Variants in DDX55 observed in about 807,000 individuals in gnomAD.
The protein encoded by DDX55 is ATP-dependent RNA helicase DDX55.
Under a neutral mutation model 69.2 loss-of-function variants are expected in DDX55, and 56 were observed. That is an observed-to-expected ratio of 0.81 (90% CI 0.65 to 1.01). DDX55 has a LOEUF of 1.01. Ranked by LOEUF, DDX55 falls within the 50% of genes least tolerant of loss-of-function variation. DDX55 has a pLI of 0.00. For missense variants in DDX55, 720 were observed against 745.1 expected (o/e 0.97, Z 0.39); for synonymous variants, 268 against 273.1 (o/e 0.98, Z 0.18).
chr12:123,605,691 C>T (rs1467824853), intron 1 of DDX55: 2 of 620,284 alleles, frequency 3.2e-6, no homozygotes, highest in East Asian at 3.0e-5. Flanking sequence ...AAAGTAGGAG[C>T]GACAGGGCTA....
At position 123,616,613 on chromosome 12, in the gene DDX55, GA is replaced by G. The variant is rs917684834; in HGVS notation, c.1049+11del. 61 of 1,612,808 alleles carry G rather than the reference GA, an allele frequency of 3.8e-5. No homozygotes were observed. The highest frequency in any genetic ancestry group is 4.7e-5 in the Non-Finnish European group (56 of 1,178,954). On this transcript the variant is annotated intron_variant, in intron 10 of 13. Transcript: ENST00000238146. ...CTCCCAGCAATGCAAGGTATGGTACGAGGCTGCCACCCACTCTCTGTTGAGG... is the reference window on the plus strand; with the variant it reads ...CTCCCAGCAATGCAAGGTATGGTACGGGCTGCCACCCACTCTCTGTTGAGG...
chr12:123,606,928 C>G (rs1317782604), intron 3 of DDX55, among the ~76,000 whole-genome samples: 1 of 152,018 alleles, frequency 6.6e-6, no homozygotes, highest in Non-Finnish European at 1.5e-5. Context: ...TGAAATGGCC[C>G]CGTGATGTAG....
intron 7 of DDX55, 66 bp from the exon 8 acceptor site, chr12:123,613,104 G>A: frequency 6.5e-7 from 1 of 1,545,162 alleles, no homozygotes; most frequent in South Asian, 1.1e-5. Context: ...TGCTGAAACT[G>A]AAAATAGCCA....
At chr12:123,618,618 G>C (rs1424926570) in intron 11 of DDX55, 51 bp from the exon 12 acceptor site, 2 of 1,590,646 alleles carry the variant, frequency 1.3e-6, no homozygotes, top group African/African-American at 2.7e-5. Flanking sequence ...GAGCCCTGGG[G>C]ATATGATGCC....
chr12:123,609,227 C>T (rs959152955), intron 6 of DDX55, among the ~76,000 whole-genome samples: 1 of 152,178 alleles, frequency 6.6e-6, no homozygotes, highest in Non-Finnish European at 1.5e-5. Context: ...GCTAGGATTA[C>T]AGGTGCCAGC....
chr12:123,620,046 C>T lies in DDX55; in HGVS notation c.1709C>T (p.Thr570Ile). 3.1e-6 allele frequency: 5 copies of T among 1,614,068 alleles called. No homozygotes were observed. Among genetic ancestry groups the T allele is most frequent in the South Asian group, 2.2e-5 (2 of 91,076 alleles). Reference sequence around the variant, plus strand: ...AAAAAACTTAAGAAAGGCAAAATAACTGAAGAAGAATTTGAGAAGGGCTTG... The same window carrying T: ...AAAAAACTTAAGAAAGGCAAAATAATTGAAGAAGAATTTGAGAAGGGCTTG... ...LLKKLKKGKITEEEFEKGLLT... is the reference protein window; with the variant it reads ...LLKKLKKGKIIEEEFEKGLLT... Residue 570 changes from threonine to isoleucine, a missense_variant, in exon 14 of 14, where the codon ACT (threonine) becomes ATT (isoleucine). Thr to Ile is a moderately conservative substitution (Grantham distance 89). Transcript: ENST00000238146.
rs774337286 is a variant in DDX55, at chr12:123,619,497, A to G, written c.1399A>G (p.Arg467Gly). ...GAGGATGCCCAAGATGCCAGAATTG[A>G]GAGGAAAGCAGTTTCCAGATTTTGT... ...LLRMPKMPEL[R>G]GKQFPDFVPV... The change falls in exon 13 of 14, where the codon AGA (arginine) becomes GGA (glycine). Residue 467 changes from arginine to glycine, a missense_variant. Coordinates refer to ENST00000238146, the MANE Select transcript of DDX55 (RefSeq NM_020936.3). 1.1e-5 allele frequency: 17 copies of G among 1,613,960 alleles called. No homozygotes were observed. In the South Asian group the frequency reaches 1.6e-4, roughly 16 times the overall value.
Position 123,610,026 on chromosome 12 carries a change from G to A in DDX55, c.639G>A (p.Val213=), listed in dbSNP as rs1458868480. The A allele has an allele frequency of 6.2e-7, 1 of 1,614,098 alleles. No individual in the cohort carries two copies. The highest frequency in any genetic ancestry group is 1.3e-5 in the African/African-American group (1 of 74,930). ...ATQTQEVENL[V]RAGLRNPVRV... ...AGACGCAGGAAGTGGAGAACCTGGT[G>A]AGAGCGGGCCTCCGGAACCCTGTCC... Residue 213 remains valine, a synonymous_variant, in exon 7 of 14, where the codon GTG becomes GTA. Transcript: ENST00000238146.
At chr12:123,606,595 T>TC (rs1423355000) in intron 3 of DDX55, among the ~76,000 whole-genome samples, 1 of 151,190 alleles carries the variant, frequency 6.6e-6, no homozygotes, top group Non-Finnish European at 1.5e-5. Context: ...TTTTTTTTTT[T>TC]TTCTTTTTTC....
Position 123,617,793 on chromosome 12 carries a change from T to G in DDX55, c.1085T>G (p.Ile362Ser). The change falls in exon 11 of 14, where the codon ATT becomes AGT. Residue 362 changes from isoleucine to serine, a missense_variant. Coordinates refer to ENST00000238146, the MANE Select transcript of DDX55 (RefSeq NM_020936.3). ...CATCGCTGCGGTCGCACAGCTCGCA[T>G]TGGCCACGGGGGCAGCGCTCTGGTG... ...FVHRCGRTAR[I>S]GHGGSALVFL... The G allele has an allele frequency of 6.2e-7, 1 of 1,613,608 alleles. No individual in the cohort carries two copies. The highest frequency in any genetic ancestry group is 8.5e-7 in the Non-Finnish European group (1 of 1,179,880).
intron 11 of DDX55, 151 bp downstream of exon 11, chr12:123,618,023 T>G: frequency 1.5e-6 from 1 of 653,480 alleles, no homozygotes; most frequent in East Asian, 2.9e-5. Flanking sequence ...GGGTTTTTTT[T>G]TTTTTTTTTT....
In DDX55 at chr12:123,613,355, G is replaced by A. The variant is rs901469476; in HGVS notation, c.824+103G>A. On this transcript the variant is annotated intron_variant, in intron 8 of 13. Coordinates refer to ENST00000238146, the MANE Select transcript of DDX55 (RefSeq NM_020936.3). ...GATTCCATCTAGCATGGTTCTCTCC[G>A]GAATGCTTTTGGCTGCAAATAACTG... 1.3e-4 allele frequency: 146 copies of A among 1,161,680 alleles called. 1 individual carries two copies. Among genetic ancestry groups the A allele is most frequent in the East Asian group, 2.7e-4 (11 of 40,720 alleles). 72.0% of individuals were successfully genotyped at this position (1,161,680 alleles called of 1,614,324 possible).
chr12:123,613,282 T>TC, intron 8 of DDX55, 30 bp downstream of exon 8: 1 of 1,608,256 alleles, frequency 6.2e-7, no homozygotes, highest in Non-Finnish European at 8.5e-7. Flanking sequence ...GGTAGAGGCA[T>TC]CAGGGATTCA....
At chr12:123,605,906 A>G (rs786436) in intron 1 of DDX55, 25 bp from the exon 2 acceptor site, 1,610,764 of 1,614,158 alleles carry the variant, frequency 1, 803,751 homozygotes, top group South Asian at 1. Context: ...TCCTTTAACC[A>G]GTGCTTTGCA....
intron 8 of DDX55, 143 bp downstream of exon 8, chr12:123,613,395 G>A: frequency 1.2e-6 from 1 of 804,390 alleles, no homozygotes; most frequent in South Asian, 1.9e-5. Flanking sequence ...CCCAACTTTT[G>A]TTGTCCGAAC....
intron 7 of DDX55, 25 bp downstream of exon 7, chr12:123,610,153 C>G (rs769011213): frequency 6.2e-7 from 1 of 1,604,440 alleles, no homozygotes; most frequent in Non-Finnish European, 8.5e-7. Context: ...TTGCTTCTTA[C>G]TCAGCGATAA....
chr12:123,608,811 A>G lies in DDX55; in HGVS notation c.533A>G (p.Asp178Gly). The G allele has an allele frequency of 6.2e-7, 1 of 1,614,078 alleles. No homozygotes were observed. Among genetic ancestry groups the G allele is most frequent in the Non-Finnish European group, 8.5e-7 (1 of 1,179,972 alleles). Residue 178 changes from aspartate to glycine, a missense_variant, in exon 6 of 14, where the codon GAC (aspartate) becomes GGC (glycine). By Grantham distance (94) the Asp-to-Gly change is moderately conservative (BLOSUM62 -1). Coordinates refer to ENST00000238146, the MANE Select transcript of DDX55 (RefSeq NM_020936.3). ...TTGGATGAGGCAGACAGACTTCTGG[A>G]CATGGGGTTTGAGGCAAGGTACTGG... ...LVLDEADRLL[D>G]MGFEASINTI...
intron 8 of DDX55, 93 bp downstream of exon 8, chr12:123,613,345 G>T: frequency 2.5e-6 from 3 of 1,214,752 alleles, no homozygotes; most frequent in South Asian, 1.4e-5. Flanking sequence ...CATCTAGCAT[G>T]GTTCTCTCCG....
intron 6 of DDX55, among the ~76,000 whole-genome samples, 188 bp from the exon 7 acceptor site, chr12:123,609,751 C>T (rs1954101218): frequency 6.6e-6 from 1 of 152,018 alleles, no homozygotes. Flanking sequence ...ATTTGAGGAA[C>T]CTTGGAAAAA....
Sources: gnomAD v4.1 joint callset for allele counts (sites outside exome capture counted in the v4.1 genomes callset) on GRCh38, gnomAD v4.1.1 for gene constraint, MANE v1.5 for transcripts, NCBI Gene and HGNC (gene_info 2026-07-23, HGNC 2026-07-21) for gene names.